Variants in PLXNA4 observed in about 807,000 individuals in gnomAD.
The protein encoded by PLXNA4 is plexin A4.
In PLXNA4, 44 loss-of-function variants were observed where a neutral mutation model predicts 191.8. The observed-to-expected ratio is 0.23, with a 90% confidence interval of 0.18 to 0.29. The LOEUF is 0.29. Among genes scored for constraint, PLXNA4 ranks in the 10% least tolerant of loss-of-function variants. The pLI is 1.00. For synonymous variants in PLXNA4, 1,082 were observed against 1,009.5 expected (o/e 1.07, Z -1.36); for missense variants, 1,800 against 2,488.8 (o/e 0.72, Z 5.89).
intron 4 of PLXNA4, among the ~76,000 whole-genome samples, chr7:132,296,569 G>A (rs958773036): frequency 6.6e-6 from 1 of 151,876 alleles, no homozygotes; most frequent in African/African-American, 2.4e-5. Flanking sequence ...CCCTGCACCT[G>A]GCTCCGTTTA....
chr7:132,557,836 A>G (rs1800868992), intron 1 of PLXNA4, among the ~76,000 whole-genome samples: 1 of 152,100 alleles, frequency 6.6e-6, no homozygotes, highest in South Asian at 2.1e-4. Flanking sequence ...CTTCCTGTAG[A>G]TCCGCAGCTG....
At chr7:132,277,412 C>A (rs1009865589) in intron 4 of PLXNA4, among the ~76,000 whole-genome samples, 1 of 152,194 alleles carries the variant, frequency 6.6e-6, no homozygotes, top group African/African-American at 2.4e-5. Flanking sequence ...GGGCTGCAAG[C>A]CAATTATAAG....
rs868118295 is a variant in PLXNA4 at position 132,195,780 on chromosome 7, G to C, written c.2739-1601C>G. On this transcript the variant is annotated intron_variant, in intron 13 of 31. Coordinates refer to ENST00000321063, the MANE Select transcript of PLXNA4 (RefSeq NM_020911.2). ...CTTGCTGATAGATTGTCTGAATTAGGAGTATTAATTTTGTCTGTTATAAAT... is the reference window on the plus strand; with the variant it reads ...CTTGCTGATAGATTGTCTGAATTAGCAGTATTAATTTTGTCTGTTATAAAT... Among the ~76,000 whole-genome samples the C allele has an allele frequency of 3.0e-4, 46 of 152,142 alleles. 1 individual carries two copies. The highest frequency in any genetic ancestry group is 1.1e-3 in the African/African-American group (45 of 41,418).
chr7:132,403,517 C>A (rs954793980), intron 3 of PLXNA4, among the ~76,000 whole-genome samples: 2 of 152,162 alleles, frequency 1.3e-5, no homozygotes, highest in Non-Finnish European at 2.9e-5. Context: ...TCCTCAGGCA[C>A]AAAACATAAA....
chr7:132,401,206 A>G (rs1793969336), intron 3 of PLXNA4, among the ~76,000 whole-genome samples: 1 of 152,228 alleles, frequency 6.6e-6, no homozygotes, highest in South Asian at 2.1e-4. Context: ...ATATTGTACT[A>G]TAGTTATGCA....
At chr7:132,509,605 C>T (rs1028817204) in intron 1 of PLXNA4, among the ~76,000 whole-genome samples, 1 of 152,166 alleles carries the variant, frequency 6.6e-6, no homozygotes, top group African/African-American at 2.4e-5. Flanking sequence ...TGCACAGGTT[C>T]GCAATCTTAA....
At chr7:132,376,008 T>G (rs1804643305) in intron 3 of PLXNA4, among the ~76,000 whole-genome samples, 1 of 152,230 alleles carries the variant, frequency 6.6e-6, no homozygotes, top group Admixed American at 6.5e-5. Context: ...GCCACTGGCA[T>G]GACCTTAGAC....
rs150788099 is a variant in PLXNA4 at position 132,644,237 on chromosome 7, C to T, written c.-87+1691G>A. Among the ~76,000 whole-genome samples, 167 of 152,324 alleles carry T rather than the reference C, an allele frequency of 1.1e-3. 2 individuals carry two copies. In the Middle Eastern group the frequency reaches 0.034, roughly 31 times the overall value. ...ACCTCCTCTCATGGTACAATGGAGA[C>T]AGTAGCAACGCCCACCTCATGGGAC... On this transcript the variant is annotated intron_variant, in intron 2 of 4. Transcript: ENST00000378539.
At chr7:132,304,754 T>C (rs1016150342) in intron 3 of PLXNA4, among the ~76,000 whole-genome samples, 5 of 152,126 alleles carry the variant, frequency 3.3e-5, no homozygotes, top group Admixed American at 1.3e-4. Context: ...GCATGCTCCA[T>C]TGAGATTTTG....
At chr7:132,299,552 C>A (rs1440731206) in intron 3 of PLXNA4, among the ~76,000 whole-genome samples, 1 of 152,076 alleles carries the variant, frequency 6.6e-6, no homozygotes, top group Non-Finnish European at 1.5e-5. Flanking sequence ...TTAAAATTTC[C>A]TTTTAAGCAT....
At chr7:132,130,638 G>A (rs912922672) in intron 31 of PLXNA4, 64 bp from the exon 32 acceptor site, 2 of 1,609,016 alleles carry the variant, frequency 1.2e-6, no homozygotes, top group South Asian at 1.1e-5. Flanking sequence ...TTCTCAGGAG[G>A]CACAAAGATG....
chr7:132,647,662 TAC>T (rs1198343371), intron 1 of PLXNA4, among the ~76,000 whole-genome samples: 5 of 144,922 alleles, frequency 3.5e-5, no homozygotes, highest in African/African-American at 1.0e-4. Flanking sequence ...TACACTCACA[TAC>T]ACACAGTCAC....
At chr7:132,194,431 G>C (rs182371847) in intron 13 of PLXNA4, among the ~76,000 whole-genome samples, 81 of 152,334 alleles carry the variant, frequency 5.3e-4, no homozygotes, top group Non-Finnish European at 8.4e-4. Flanking sequence ...GACCCTAGAT[G>C]TTCAGTCCCT....
chr7:132,413,464 G>A (rs1423889556), intron 3 of PLXNA4, among the ~76,000 whole-genome samples: 1 of 152,148 alleles, frequency 6.6e-6, no homozygotes, highest in Admixed American at 6.5e-5. Context: ...TCCAACATGT[G>A]ACAGATGTCA....
intron 3 of PLXNA4, among the ~76,000 whole-genome samples, chr7:132,404,515 A>G (rs1794129334): frequency 6.6e-6 from 1 of 152,150 alleles, no homozygotes. Context: ...CACACAACCA[A>G]CACGGCTTGC....
intron 9 of PLXNA4, among the ~76,000 whole-genome samples, chr7:132,219,947 A>G (rs1403654977): frequency 6.6e-6 from 1 of 152,216 alleles, no homozygotes; most frequent in African/African-American, 2.4e-5. Flanking sequence ...GCAGTAAGCT[A>G]CAGCACATAG....
At chr7:132,329,011 C>T (rs1445839884) in intron 3 of PLXNA4, among the ~76,000 whole-genome samples, 2 of 152,140 alleles carry the variant, frequency 1.3e-5, no homozygotes, top group East Asian at 1.9e-4. Flanking sequence ...TCTGGCACAT[C>T]GACATCACTT....
chr7:132,645,147 A>C (rs894834111), intron 2 of PLXNA4, among the ~76,000 whole-genome samples: 2 of 152,172 alleles, frequency 1.3e-5, no homozygotes, highest in African/African-American at 4.8e-5. Context: ...ACCAGATGTC[A>C]AGTTTCATGC....
Position 132,140,504 on chromosome 7 carries a change from A to G in PLXNA4, c.5438+95T>C, listed in dbSNP as rs971919482. 3.6e-5 allele frequency: 54 copies of G among 1,510,286 alleles called. No homozygotes were observed. In the East Asian group the frequency reaches 1.2e-3, roughly 34 times the overall value. The allele number at this position is 1,510,286 out of a possible 1,614,324, so 93.6% of individuals were successfully genotyped here. ...GGCTTTGTGAATGACTCATCTGGAA[A>G]CACAGCTGGTTTTTGATGGGGAGGG... On this transcript the variant is annotated intron_variant, in intron 30 of 31. Transcript: ENST00000321063.
Sources: gnomAD v4.1 joint callset for allele counts (sites outside exome capture counted in the v4.1 genomes callset) on GRCh38, gnomAD v4.1.1 for gene constraint, MANE v1.5 for transcripts, NCBI Gene and HGNC (gene_info 2026-07-23, HGNC 2026-07-21) for gene names.